The following PLCH1 variants were observed in gnomAD, a reference collection of about 807,000 sequenced individuals.
The protein encoded by PLCH1 is phospholipase C eta 1, also known as 1-phosphatidylinositol 4,5-bisphosphate phosphodiesterase eta-1.
Under a neutral mutation model 126.7 loss-of-function variants are expected in PLCH1, and 60 were observed. That is an observed-to-expected ratio of 0.47 (90% CI 0.38 to 0.59). PLCH1 has a LOEUF of 0.59. Ranked by LOEUF, PLCH1 falls within the 20% of genes least tolerant of loss-of-function variation. The pLI is 0.00. For missense variants in PLCH1, 1,723 were observed against 2,040.0 expected (o/e 0.84, Z 2.99); for synonymous variants, 719 against 734.9 (o/e 0.98, Z 0.35).
chr3:155,691,846 G>A (rs1359591812), intron 2 of PLCH1, among the ~76,000 whole-genome samples: 1 of 152,090 alleles, frequency 6.6e-6, no homozygotes, highest in East Asian at 1.9e-4. Context: ...CTATTAATAT[G>A]TTCTTTGTTA....
intron 2 of PLCH1, among the ~76,000 whole-genome samples, chr3:155,698,719 C>A (rs564917356): frequency 6.6e-6 from 1 of 152,298 alleles, no homozygotes; most frequent in East Asian, 1.9e-4. Flanking sequence ...CCAGTGGGAA[C>A]CCCTACAAAG....
chr3:155,453,440 G>A (rs1712363059), intron 21 of PLCH1, among the ~76,000 whole-genome samples: 1 of 151,996 alleles, frequency 6.6e-6, no homozygotes, highest in African/African-American at 2.4e-5. Flanking sequence ...GGATATGCAG[G>A]AATTATTTGT....
At chr3:155,529,791 A>G (rs57665452) in intron 10 of PLCH1, among the ~76,000 whole-genome samples, 2,057 of 69,946 alleles carry the variant, frequency 0.029, 48 homozygotes, top group African/African-American at 0.078. Context: ...TTTGAGATGC[A>G]GTTTTGCTCT....
At chr3:155,469,644 C>T (rs563650530) in intron 21 of PLCH1, among the ~76,000 whole-genome samples, 1,568 of 152,234 alleles carry the variant, frequency 0.01, 23 homozygotes, top group African/African-American at 0.035. Context: ...AACAAAAAGA[C>T]AGCAGTAACC....
At chr3:155,600,681 G>C (rs1733608715) in intron 2 of PLCH1, among the ~76,000 whole-genome samples, 1 of 151,124 alleles carries the variant, frequency 6.6e-6, no homozygotes, top group Non-Finnish European at 1.5e-5. Context: ...AATATTGTTT[G>C]TATCTGTTAT....
intron 6 of PLCH1, among the ~76,000 whole-genome samples, chr3:155,579,042 T>C (rs532234804): frequency 2.4e-4 from 36 of 152,324 alleles, no homozygotes; most frequent in African/African-American, 8.4e-4. Context: ...CTAAACATAT[T>C]TCTCCATGAC....
intron 10 of PLCH1, among the ~76,000 whole-genome samples, chr3:155,543,455 A>C (rs1724703995): frequency 6.6e-6 from 1 of 152,312 alleles, no homozygotes; most frequent in East Asian, 1.9e-4. Flanking sequence ...CCAAGTTGGA[A>C]AACACTCTGC....
chr3:155,695,696 A>G (rs1292309254), intron 2 of PLCH1, among the ~76,000 whole-genome samples: 1 of 152,242 alleles, frequency 6.6e-6, no homozygotes, highest in Admixed American at 6.5e-5. Flanking sequence ...CAGTAATGAT[A>G]ACACAATGAA....
intron 2 of PLCH1, among the ~76,000 whole-genome samples, chr3:155,664,193 G>A (rs115489026): frequency 0.012 from 1,902 of 152,314 alleles, 40 homozygotes; most frequent in African/African-American, 0.043. Context: ...CAGGGTGCCT[G>A]ATTATCTTGG....
chr3:155,558,349 A>G (rs1727098203), intron 8 of PLCH1, among the ~76,000 whole-genome samples: 2 of 152,206 alleles, frequency 1.3e-5, no homozygotes, highest in Admixed American at 1.3e-4. Flanking sequence ...AAGAATAAAA[A>G]TACCTTCATC....
chr3:155,523,129 C>T (rs557654308), intron 11 of PLCH1, among the ~76,000 whole-genome samples: 221 of 152,162 alleles, frequency 1.5e-3, no homozygotes, highest in Middle Eastern at 3.4e-3. Context: ...CGCCCACCAC[C>T]ACGCCCGGCT....
At position 155,526,784 on chromosome 3, in the gene PLCH1, G is replaced by A. The variant is rs183226604; in HGVS notation, c.1363-2780C>T. ...AGGTTCCTGACCTACAGGGACTGTG[G>A]AATATTCAATGTTTGTTTTAAGCTG... is the stretch of plus-strand genomic sequence containing the variant. On this transcript the variant is annotated intron_variant, in intron 10 of 22. Transcript: ENST00000460012. Among the ~76,000 whole-genome samples the A allele has an allele frequency of 3.9e-5, 6 of 152,304 alleles. No homozygotes were observed. In the East Asian group the frequency reaches 1.2e-3, roughly 29 times the overall value.
chr3:155,612,485 A>G (rs1415393150), intron 2 of PLCH1, among the ~76,000 whole-genome samples: 2 of 152,138 alleles, frequency 1.3e-5, no homozygotes, highest in Non-Finnish European at 2.9e-5. Context: ...AAGAAAAAGA[A>G]ATAACCAAGA....
chr3:155,651,725 A>G (rs1424274371), intron 2 of PLCH1, among the ~76,000 whole-genome samples: 1 of 152,216 alleles, frequency 6.6e-6, no homozygotes, highest in Non-Finnish European at 1.5e-5. Context: ...GAAGTTACTT[A>G]CCACCACCTG....
intron 17 of PLCH1, 138 bp downstream of exon 17, chr3:155,494,003 C>T (rs1716634584): frequency 4.7e-6 from 3 of 642,832 alleles, no homozygotes; most frequent in African/African-American, 1.8e-5. Flanking sequence ...AACACCTTAA[C>T]CTATCTTTTT....
intron 21 of PLCH1, among the ~76,000 whole-genome samples, chr3:155,454,766 C>CT (rs1712398187): frequency 6.6e-6 from 1 of 152,120 alleles, no homozygotes; most frequent in South Asian, 2.1e-4. Flanking sequence ...GAAGTCAAAG[C>CT]TTTTTTTAAT....
chr3:155,481,956 T>C lies in PLCH1; in HGVS notation c.4070A>G (p.Glu1357Gly). 6.2e-7 allele frequency: 1 copy of C among 1,614,158 alleles called. No individual in the cohort carries two copies. Among genetic ancestry groups the C allele is most frequent in the Non-Finnish European group, 8.5e-7 (1 of 1,180,032 alleles). ...GESSLVEIDG[E>G]SENLSLTTCE... Reference sequence around the variant, plus strand: ...GGTTGTTAGAGAAAGATTTTCTGATTCTCCATCAATTTCCACAAGGCTGCT... The same window carrying C: ...GGTTGTTAGAGAAAGATTTTCTGATCCTCCATCAATTTCCACAAGGCTGCT... The change falls in exon 23 of 23, where the codon GAA (glutamate) becomes GGA (glycine). Residue 1357 changes from glutamate (E) to glycine (G), a missense_variant. Physicochemically the swap from Glu to Gly is moderately conservative, Grantham distance 98. Transcript: ENST00000460012. The surrounding 1 kb of genome is among the most constrained non-coding windows in gnomAD (Gnocchi z 4.2).
intron 2 of PLCH1, among the ~76,000 whole-genome samples, chr3:155,606,260 G>A (rs1430058071): frequency 6.6e-6 from 1 of 152,102 alleles, no homozygotes; most frequent in African/African-American, 2.4e-5. Flanking sequence ...AGGACCTAAG[G>A]TAATTTCTGA....
intron 21 of PLCH1, among the ~76,000 whole-genome samples, chr3:155,464,712 T>C (rs541554121): frequency 1.1e-4 from 16 of 152,298 alleles, no homozygotes; most frequent in African/African-American, 3.4e-4. Context: ...TTTATTAAAA[T>C]TTAAGCTTTA....
Sources: gnomAD v4.1 joint callset for allele counts (sites outside exome capture counted in the v4.1 genomes callset) on GRCh38, gnomAD v4.1.1 for gene constraint, Gnocchi (gnomAD v3.1) non-coding constraint, MANE v1.5 for transcripts, NCBI Gene and HGNC (gene_info 2026-07-23, HGNC 2026-07-21) for gene names.